Variants in TOPBP1 observed in about 807,000 individuals in gnomAD.
TOPBP1 encodes DNA topoisomerase 2-binding protein 1.
Under a neutral mutation model 167.7 loss-of-function variants are expected in TOPBP1, and 28 were observed. That is an observed-to-expected ratio of 0.17 (90% CI 0.12 to 0.23). The LOEUF (loss-of-function observed/expected upper bound fraction) is 0.23. TOPBP1 is among the 10% of genes least tolerant of loss of function. The pLI is 1.00. For missense variants in TOPBP1, 1,554 were observed against 1,809.6 expected, an observed-to-expected ratio of 0.86 and a Z score of 2.56; for synonymous variants, 598 against 611.4, an observed-to-expected ratio of 0.98 and a Z score of 0.32.
intron 22 of TOPBP1, 34 bp from the exon 23 acceptor site, chr3:133,616,959 C>T (rs1576683799): frequency 7.3e-7 from 1 of 1,369,206 alleles, no homozygotes; most frequent in Non-Finnish European, 9.8e-7. Context: ...AAAAAATTAA[C>T]ATTAAAAATG....
chr3:133,630,078 G>A lies in TOPBP1; in HGVS notation c.2521-1345C>T, dbSNP rs765166558. 3.6e-4 allele frequency among the ~76,000 whole-genome samples: 55 copies of A among 151,936 alleles called. 1 individual carries two copies. The highest frequency in any genetic ancestry group is 2.5e-3 in the Admixed American group (38 of 15,244). On this transcript the variant is annotated intron_variant, in intron 14 of 27. Coordinates refer to ENST00000260810, the MANE Select transcript of TOPBP1 (RefSeq NM_007027.4). ...TGGGATAACAGGCGTGAGCCACCGCGCCTGGCTATATGTATATTTATATCT... is the reference window on the plus strand; with the variant it reads ...TGGGATAACAGGCGTGAGCCACCGCACCTGGCTATATGTATATTTATATCT...
At chr3:133,612,595 T>G (rs1014672625) in intron 23 of TOPBP1, 43 bp from the exon 24 acceptor site, 1 of 1,525,534 alleles carries the variant, frequency 6.6e-7, no homozygotes, top group South Asian at 1.2e-5. Flanking sequence ...GATTCCCAAC[T>G]TCTTTCTAGG....
chr3:133,644,718 T>A (rs963600269), intron 10 of TOPBP1, among the ~76,000 whole-genome samples: 3 of 152,138 alleles, frequency 2.0e-5, no homozygotes, highest in Non-Finnish European at 4.4e-5. Flanking sequence ...AAGAAAAAAA[T>A]TAACAAGTCT....
At chr3:133,620,477 G>T in intron 19 of TOPBP1, 130 bp from the exon 20 acceptor site, 1 of 900,568 alleles carries the variant, frequency 1.1e-6, no homozygotes, top group South Asian at 1.8e-5. Flanking sequence ...ATTAACTACA[G>T]GCTATAGTAA....
At chr3:133,635,044 A>G (rs1384967609) in intron 14 of TOPBP1, among the ~76,000 whole-genome samples, 1 of 152,210 alleles carries the variant, frequency 6.6e-6, no homozygotes, top group African/African-American at 2.4e-5. Flanking sequence ...GTGGGAGTCA[A>G]AAATATAATT....
At chr3:133,630,812 T>C (rs147307217) in intron 14 of TOPBP1, among the ~76,000 whole-genome samples, 3 of 152,344 alleles carry the variant, frequency 2.0e-5, no homozygotes, top group Non-Finnish European at 2.9e-5. Context: ...GTGTATGTTA[T>C]AGTTAGGCCT....
intron 3 of TOPBP1, among the ~76,000 whole-genome samples, chr3:133,658,665 CG>C (rs1451168872): frequency 6.6e-5 from 10 of 151,682 alleles, no homozygotes; most frequent in Non-Finnish European, 1.2e-4. Context: ...AAAAATCAGC[CG>C]GGTGTGTATA....
At chr3:133,620,441 A>C (rs1935047692) in intron 19 of TOPBP1, 94 bp from the exon 20 acceptor site, 1 of 1,238,464 alleles carries the variant, frequency 8.1e-7, no homozygotes, top group East Asian at 2.4e-5. Flanking sequence ...TTGAACACAA[A>C]CTTATTGACT....
chr3:133,655,571 C>T (rs1179998174), intron 5 of TOPBP1, 85 bp from the exon 6 acceptor site: 4 of 724,454 alleles, frequency 5.5e-6, no homozygotes, highest in Admixed American at 4.2e-5. Flanking sequence ...CTATTGCTTC[C>T]CTCATTTTTT....
intron 7 of TOPBP1, 82 bp downstream of exon 7, chr3:133,653,263 C>A: frequency 7.8e-7 from 1 of 1,277,840 alleles, no homozygotes; most frequent in South Asian, 1.8e-5. Context: ...TTCCCTATCT[C>A]AGTGATCCTA....
chr3:133,617,304 T>C lies in TOPBP1; in HGVS notation c.3615A>G (p.Ile1205Met), dbSNP rs189404570. 62 of 1,612,162 alleles carry C rather than the reference T, an allele frequency of 3.8e-5. 1 individual carries two copies. In the African/African-American group the frequency reaches 7.3e-4, roughly 19 times the overall value. Residue 1205 changes from isoleucine (I) to methionine (M), a missense_variant, in exon 22 of 28, where the codon ATA becomes ATG. Physicochemically the swap from Ile to Met is conservative, Grantham distance 10. Coordinates refer to ENST00000260810, the MANE Select transcript of TOPBP1 (RefSeq NM_007027.4). ...GGTGTTTGGGAGCTTCAGTCACACG[T>C]ATGTTTCCAGGATCACAGACAGCTG... ...AKQAVCDPGN[I>M]RVTEAPKHPI... is the part of the protein sequence containing the mutation.
rs773552384 is a variant in TOPBP1, at chr3:133,653,361, C to T, written c.906G>A (p.Gln302=). ...TMPNSSTPTS[Q]INTIDSRTLS... ...GAGACTCACTATCAATTGTGTTGATCTGGCTGGTAGGAGTTGAAGAATTGG... is the reference window on the plus strand; with the variant it reads ...GAGACTCACTATCAATTGTGTTGATTTGGCTGGTAGGAGTTGAAGAATTGG... Residue 302 remains glutamine (Q), a synonymous_variant, in exon 7 of 28, where the codon CAG becomes CAA. Transcript: ENST00000260810. The T allele has an allele frequency of 1.9e-6, 3 of 1,600,158 alleles. No homozygotes were observed. The highest frequency in any genetic ancestry group is 2.2e-5 in the East Asian group (1 of 44,520).
chr3:133,607,450 T>C (rs1247880831), intron 27 of TOPBP1, among the ~76,000 whole-genome samples: 1 of 152,048 alleles, frequency 6.6e-6, no homozygotes, highest in Non-Finnish European at 1.5e-5. Flanking sequence ...TGCTGTGTAA[T>C]AGAATAAGTA....
intron 14 of TOPBP1, among the ~76,000 whole-genome samples, chr3:133,631,786 T>A (rs1935490777): frequency 6.6e-6 from 1 of 152,084 alleles, no homozygotes; most frequent in Admixed American, 6.5e-5. Flanking sequence ...TACAGGCATA[T>A]GCCATCACAC....
At chr3:133,642,729 CTTAT>C (rs1000175823) in intron 12 of TOPBP1, among the ~76,000 whole-genome samples, 16 of 152,132 alleles carry the variant, frequency 1.1e-4, no homozygotes, top group East Asian at 1.9e-4. Context: ...CTTATCATTC[CTTAT>C]TTATTTATTT....
chr3:133,661,112 T>C lies in TOPBP1; in HGVS notation c.16A>G (p.Lys6Glu), dbSNP rs1271325516. The change falls in exon 2 of 28, where the codon AAA becomes GAA. Residue 6 changes from lysine (K) to glutamate (E), a missense_variant. By Grantham distance (56) the Lys-to-Glu change is moderately conservative. Transcript: ENST00000260810. MSRND[K>E]EPFFVKFLKS... Reference sequence around the variant, plus strand: ...AAAAACTTCACAAAAAACGGTTCTTTGTCATTTCTGGACATTTCTGAACTG... The same window carrying C: ...AAAAACTTCACAAAAAACGGTTCTTCGTCATTTCTGGACATTTCTGAACTG... The C allele has an allele frequency of 2.5e-6, 4 of 1,596,764 alleles. No individual in the cohort carries two copies. Among genetic ancestry groups the C allele is most frequent in the Non-Finnish European group, 3.4e-6 (4 of 1,173,352 alleles).
intron 19 of TOPBP1, among the ~76,000 whole-genome samples, chr3:133,622,185 G>GTT (rs398052284): frequency 0.18 from 19,098 of 106,186 alleles, 2,480 homozygotes; most frequent in Non-Finnish European, 0.21. Context: ...CACCATTTAT[G>GTT]TTTTTTTTTT....
rs1344911395 is a variant in TOPBP1, at chr3:133,600,717, A to C, written c.*533T>G. ...TTTTGCGCATTCAAACTTGGCAAAC[A>C]TCATGGAGATTTGTACAAACATACA... On this transcript the variant is annotated 3_prime_UTR_variant, in exon 28 of 28. Coordinates refer to ENST00000260810, the MANE Select transcript of TOPBP1 (RefSeq NM_007027.4). 1.3e-5 allele frequency: 2 copies of C among 152,866 alleles called. No homozygotes were observed. Among genetic ancestry groups the C allele is most frequent in the African/African-American group, 4.8e-5 (2 of 41,592 alleles). The allele number at this position is 152,866 out of a possible 1,614,324, so 9.5% of individuals were successfully genotyped here. A position where few individuals can be genotyped will look rare whatever the true frequency, so the allele number is the denominator to read the frequency against.
intron 21 of TOPBP1, 113 bp downstream of exon 21, chr3:133,618,100 G>GT (rs1352765375): frequency 8.4e-5 from 74 of 878,426 alleles, no homozygotes; most frequent in South Asian, 1.4e-4. Context: ...TATCTACGAA[G>GT]TTTTTTTTGT....
Sources: gnomAD v4.1 joint callset for allele counts (sites outside exome capture counted in the v4.1 genomes callset) on GRCh38, gnomAD v4.1.1 for gene constraint, MANE v1.5 for transcripts, NCBI Gene and HGNC (gene_info 2026-07-23, HGNC 2026-07-21) for gene names.